Variants in SNX4 observed in about 807,000 individuals in gnomAD.
The protein encoded by SNX4 is sorting nexin-4.
Under a neutral mutation model 70.8 loss-of-function variants are expected in SNX4, and 49 were observed. That is an observed-to-expected ratio of 0.69 (90% CI 0.55 to 0.88). The LOEUF is 0.88. Among genes scored for constraint, SNX4 ranks in the 40% least tolerant of loss-of-function variants. SNX4 has a pLI of 0.00. For synonymous variants in SNX4, 206 were observed against 183.8 expected (o/e 1.12, Z -0.98); for missense variants, 528 against 544.8 (o/e 0.97, Z 0.31).
At chr3:125,509,578 C>G (rs571673891) in intron 1 of SNX4, among the ~76,000 whole-genome samples, 2 of 151,632 alleles carry the variant, frequency 1.3e-5, no homozygotes, top group East Asian at 3.9e-4. Flanking sequence ...ATGGTGAAAC[C>G]CTGTCTCTAC....
intron 10 of SNX4, among the ~76,000 whole-genome samples, chr3:125,457,569 A>G (rs7612266): frequency 0.18 from 24,709 of 139,176 alleles, 2,377 homozygotes; most frequent in African/African-American, 0.27. Flanking sequence ...AACTTCATAT[A>G]TTCTTTTTTT....
At chr3:125,462,959 G>C (rs1201937710) in intron 9 of SNX4, among the ~76,000 whole-genome samples, 1 of 152,160 alleles carries the variant, frequency 6.6e-6, no homozygotes, top group Admixed American at 6.5e-5. Context: ...CTCGTGTGTT[G>C]GTTTTATTTC....
intron 6 of SNX4, among the ~76,000 whole-genome samples, chr3:125,480,813 G>A (rs1451279837): frequency 2.0e-5 from 3 of 151,994 alleles, no homozygotes; most frequent in Non-Finnish European, 2.9e-5. Flanking sequence ...AGATGGGAAC[G>A]ACTCCCACCT....
intron 1 of SNX4, among the ~76,000 whole-genome samples, chr3:125,519,460 T>C (rs185661069): frequency 6.6e-6 from 1 of 152,292 alleles, no homozygotes; most frequent in East Asian, 1.9e-4. Context: ...TTCTCATTTG[T>C]ACCTTTTCTT....
intron 5 of SNX4, among the ~76,000 whole-genome samples, chr3:125,495,254 A>ATC (rs1934760278): frequency 4.1e-5 from 2 of 49,380 alleles, no homozygotes; most frequent in South Asian, 6.9e-4. Flanking sequence ...CTCTCTTTAT[A>ATC]TATATATATA....
intron 6 of SNX4, among the ~76,000 whole-genome samples, chr3:125,482,064 C>G (rs1234699461): frequency 6.6e-6 from 1 of 152,096 alleles, no homozygotes; most frequent in Non-Finnish European, 1.5e-5. Context: ...TGAAAACATC[C>G]TTAAAGTGCT....
At chr3:125,472,806 G>C (rs142746568) in intron 8 of SNX4, among the ~76,000 whole-genome samples, 1 of 151,854 alleles carries the variant, frequency 6.6e-6, no homozygotes, top group Non-Finnish European at 1.5e-5. Flanking sequence ...ACACAAACTT[G>C]TTCTCAAAAA....
intron 11 of SNX4, among the ~76,000 whole-genome samples, chr3:125,455,779 C>T (rs1455170042): frequency 2.6e-5 from 4 of 151,984 alleles, no homozygotes; most frequent in Non-Finnish European, 5.9e-5. Context: ...TTTGGGTGGC[C>T]GAGGCGGGCG....
chr3:125,464,719 A>T (rs550149260), intron 9 of SNX4, among the ~76,000 whole-genome samples: 1 of 151,740 alleles, frequency 6.6e-6, no homozygotes, highest in Non-Finnish European at 1.5e-5. Context: ...GTACAGGTAC[A>T]TGCCACCACT....
chr3:125,507,191 G>GAAAA (rs753584700), intron 1 of SNX4, among the ~76,000 whole-genome samples: 71 of 90,270 alleles, frequency 7.9e-4, no homozygotes, highest in Non-Finnish European at 1.1e-3. Flanking sequence ...CTGGGTGATA[G>GAAAA]AAAAAAAAAA....
At chr3:125,490,738 T>C (rs1229751706) in intron 5 of SNX4, among the ~76,000 whole-genome samples, 2 of 151,340 alleles carry the variant, frequency 1.3e-5, no homozygotes, top group Admixed American at 1.3e-4. Context: ...ATAAAATGTA[T>C]ACGTAACACA....
At chr3:125,482,587 T>C (rs1934437005) in intron 6 of SNX4, among the ~76,000 whole-genome samples, 1 of 152,012 alleles carries the variant, frequency 6.6e-6, no homozygotes, top group Non-Finnish European at 1.5e-5. Flanking sequence ...TCTGCTTGGA[T>C]GATCTTCCAA....
rs531977653 is a variant in SNX4, at chr3:125,489,539, A to C, written c.598-76T>G. 40 of 1,158,986 alleles carry C rather than the reference A, an allele frequency of 3.5e-5. No individual in the cohort carries two copies. In the African/African-American group the frequency reaches 5.5e-4, roughly 16 times the overall value. 71.8% of individuals were successfully genotyped at this position (1,158,986 alleles called of 1,614,324 possible). ...ATTCAAACAATTTTACTTTCCCTTT[A>C]GAATTAAGATGCTCAAGTACAGTTT... On this transcript the variant is annotated intron_variant, in intron 5 of 13. Transcript: ENST00000251775.
intron 6 of SNX4, among the ~76,000 whole-genome samples, chr3:125,480,715 C>T (rs1181267118): frequency 2.0e-5 from 3 of 152,174 alleles, no homozygotes; most frequent in Middle Eastern, 3.2e-3. Context: ...CATCTATTAA[C>T]TGCCATTTTC....
At position 125,469,571 on chromosome 3, in the gene SNX4, A is replaced by G. The variant is rs941938236; in HGVS notation, c.789-52T>C. The G allele has an allele frequency of 2.2e-5, 26 of 1,185,304 alleles. 1 individual carries two copies. Among genetic ancestry groups the G allele is most frequent in the Non-Finnish European group, 2.9e-5 (23 of 793,652 alleles). 73.4% of individuals were successfully genotyped at this position (1,185,304 alleles called of 1,614,324 possible). On this transcript the variant is annotated intron_variant, in intron 8 of 13. Transcript: ENST00000251775. Reference sequence around the variant, plus strand: ...GCAACATGCATTAGAGATATGGAATAGTATTAAATGGACTCTTTTCAAGAT... The same window carrying G: ...GCAACATGCATTAGAGATATGGAATGGTATTAAATGGACTCTTTTCAAGAT...
chr3:125,457,181 G>C (rs936019215), intron 11 of SNX4, 85 bp downstream of exon 11: 1 of 895,902 alleles, frequency 1.1e-6, no homozygotes, highest in Non-Finnish European at 1.9e-6. Flanking sequence ...TTCTACAGGA[G>C]TGAGTTACTC....
intron 5 of SNX4, among the ~76,000 whole-genome samples, chr3:125,493,755 G>A (rs1247743870): frequency 6.6e-6 from 1 of 151,768 alleles, no homozygotes; most frequent in African/African-American, 2.4e-5. Context: ...TGCCAGCCAG[G>A]CAACAGTGGC....
At chr3:125,518,698 C>T (rs1282221768) in intron 1 of SNX4, among the ~76,000 whole-genome samples, 1 of 152,038 alleles carries the variant, frequency 6.6e-6, no homozygotes, top group Non-Finnish European at 1.5e-5. Flanking sequence ...GAAAACCCAT[C>T]TCTACAAAAA....
Position 125,503,944 on chromosome 3 carries a change from C to T in SNX4, c.263+679G>A, listed in dbSNP as rs115638087. Among the ~76,000 whole-genome samples, 1,049 of 152,254 alleles carry T rather than the reference C, an allele frequency of 6.9e-3. 13 individuals are homozygous for T. Among genetic ancestry groups the T allele is most frequent in the African/African-American group, 0.024 (996 of 41,540 alleles). On this transcript the variant is annotated intron_variant, in intron 2 of 13. Coordinates refer to ENST00000251775, the MANE Select transcript of SNX4 (RefSeq NM_003794.4). ...GGATGCAGTGGCTCACACGAGTAAT[C>T]CCAGCATTTTGGGAGGCTGAGGCAG...
Sources: gnomAD v4.1 joint callset for allele counts (sites outside exome capture counted in the v4.1 genomes callset) on GRCh38, gnomAD v4.1.1 for gene constraint, MANE v1.5 for transcripts, NCBI Gene and HGNC (gene_info 2026-07-23, HGNC 2026-07-21) for gene names.